DPP10: variants seen among roughly 807,000 people sequenced by gnomAD.
DPP10 encodes dipeptidyl peptidase like 10.
DPP10 carries 33 observed loss-of-function variants against 120.9 expected under a neutral mutation model. That is an observed-to-expected ratio of 0.27 (90% confidence interval 0.21 to 0.37). The LOEUF (loss-of-function observed/expected upper bound fraction) is 0.37, where lower values mean the gene tolerates loss of function less well. DPP10 is among the 10% of genes least tolerant of loss of function. The pLI, the probability that DPP10 is intolerant of heterozygous loss-of-function variation, is 1.00. For synonymous variants in DPP10, 337 were observed against 326.1 expected (o/e 1.03, Z -0.36); for missense variants, 816 against 942.8 (o/e 0.87, Z 1.76).
At chr2:115,477,701 A>G (rs761151903) in intron 3 of DPP10, among the ~76,000 whole-genome samples, 3 of 152,152 alleles carry the variant, frequency 2.0e-5, no homozygotes, top group Non-Finnish European at 4.4e-5. Context: ...TACAATCCTC[A>G]ATATAGAATA....
At chr2:114,890,581 T>C (rs1692461057) in intron 1 of DPP10, among the ~76,000 whole-genome samples, 1 of 152,148 alleles carries the variant, frequency 6.6e-6, no homozygotes, top group Non-Finnish European at 1.5e-5. Flanking sequence ...AGACTAGAAT[T>C]AGGCCAATTT....
chr2:115,514,133 A>G (rs750850042), intron 4 of DPP10, among the ~76,000 whole-genome samples: 1 of 151,924 alleles, frequency 6.6e-6, no homozygotes, highest in Non-Finnish European at 1.5e-5. Flanking sequence ...AGCTGTTATT[A>G]TAATTGAGGG....
At chr2:115,761,399 C>T (rs2149788091) in intron 11 of DPP10, among the ~76,000 whole-genome samples, 1 of 152,094 alleles carries the variant, frequency 6.6e-6, no homozygotes, top group East Asian at 1.9e-4. Flanking sequence ...TCCAGTAATC[C>T]TATCATACTA....
chr2:115,011,224 G>A (rs1370746577), intron 1 of DPP10, among the ~76,000 whole-genome samples: 1 of 152,108 alleles, frequency 6.6e-6, no homozygotes, highest in Non-Finnish European at 1.5e-5. Context: ...AAACGCTTTG[G>A]GTGCCCTTAA....
chr2:115,397,179 T>C (rs181282708), intron 3 of DPP10, among the ~76,000 whole-genome samples: 44 of 152,306 alleles, frequency 2.9e-4, no homozygotes, highest in African/African-American at 9.4e-4. Flanking sequence ...GCCAGATTCA[T>C]GTATAAAGTC....
chr2:114,507,431 C>T (rs886601642), intron 1 of DPP10, among the ~76,000 whole-genome samples: 1 of 152,098 alleles, frequency 6.6e-6, no homozygotes, highest in African/African-American at 2.4e-5. Flanking sequence ...AAGATTACAC[C>T]ATTTGTGATA....
intron 12 of DPP10, among the ~76,000 whole-genome samples, chr2:115,767,473 ATGTG>A (rs10689084): frequency 7.3e-5 from 11 of 150,660 alleles, no homozygotes; most frequent in East Asian, 3.9e-4. Flanking sequence ...ACATACATAT[ATGTG>A]TGTGTGTGTG....
At chr2:115,284,532 G>C (rs1461485450) in intron 1 of DPP10, among the ~76,000 whole-genome samples, 1 of 151,960 alleles carries the variant, frequency 6.6e-6, no homozygotes, top group African/African-American at 2.4e-5. Context: ...GTAATGAATA[G>C]ATATGTTAAC....
intron 1 of DPP10, among the ~76,000 whole-genome samples, chr2:115,052,360 T>A (rs1203620263): frequency 6.6e-6 from 1 of 152,076 alleles, no homozygotes; most frequent in Admixed American, 6.6e-5. Flanking sequence ...TTTTATATAT[T>A]GAAATATATT....
chr2:115,799,978 T>C (rs1684995459), intron 19 of DPP10, among the ~76,000 whole-genome samples: 2 of 151,976 alleles, frequency 1.3e-5, no homozygotes, highest in South Asian at 4.2e-4. Flanking sequence ...TCAAATGGTA[T>C]TTCTAGTTCT....
At chr2:115,053,798 GTT>G (rs1705691245) in intron 1 of DPP10, among the ~76,000 whole-genome samples, 1 of 152,046 alleles carries the variant, frequency 6.6e-6, no homozygotes, top group African/African-American at 2.4e-5. Flanking sequence ...GTTAAATCAG[GTT>G]TTCCCAATAT....
intron 1 of DPP10, among the ~76,000 whole-genome samples, chr2:115,010,780 C>T (rs1299828180): frequency 6.6e-6 from 1 of 152,092 alleles, no homozygotes; most frequent in African/African-American, 2.4e-5. Context: ...ATGGCTAAAT[C>T]CTTTTTATTT....
chr2:115,712,676 T>C (rs2092369351), intron 7 of DPP10, among the ~76,000 whole-genome samples: 1 of 149,544 alleles, frequency 6.7e-6, no homozygotes, highest in Non-Finnish European at 1.5e-5. Context: ...ATATTTGGCT[T>C]TGTAAGACAA....
At chr2:114,693,161 G>C (rs1451500550) in intron 1 of DPP10, among the ~76,000 whole-genome samples, 1 of 151,860 alleles carries the variant, frequency 6.6e-6, no homozygotes, top group Non-Finnish European at 1.5e-5. Flanking sequence ...GTATGTGGTT[G>C]CTTCATAGTG....
intron 3 of DPP10, among the ~76,000 whole-genome samples, chr2:115,386,384 G>A (rs546132375): frequency 1.8e-4 from 28 of 152,178 alleles, no homozygotes; most frequent in Non-Finnish European, 3.1e-4. Flanking sequence ...ACTCTTACCT[G>A]TGAGAGCACT....
intron 19 of DPP10, among the ~76,000 whole-genome samples, chr2:115,799,608 T>G: frequency 9.2e-6 from 1 of 108,588 alleles, no homozygotes. Context: ...CAACAGGCCC[T>G]GGTGTGTGAT....
intron 1 of DPP10, among the ~76,000 whole-genome samples, chr2:114,477,963 A>ATATGTACATATATGTGTGTATG (rs1558795284): frequency 4.0e-5 from 6 of 148,452 alleles, no homozygotes; most frequent in Non-Finnish European, 7.4e-5. Flanking sequence ...ATGTGTGTAT[A>ATATGTACATATATGTGTGTATG]TGTATATATG....
intron 5 of DPP10, among the ~76,000 whole-genome samples, chr2:115,553,372 A>G (rs1027037629): frequency 7.1e-6 from 1 of 141,740 alleles, no homozygotes; most frequent in Non-Finnish European, 1.5e-5. Context: ...AGATTCATAA[A>G]TGAAAATTAT....
intron 7 of DPP10, among the ~76,000 whole-genome samples, chr2:115,691,498 T>C (rs903351733): frequency 1.3e-5 from 2 of 152,168 alleles, no homozygotes; most frequent in African/African-American, 4.8e-5. Context: ...TCATCTGCAG[T>C]GTTACAGTGT....
Sources: allele counts gnomAD v4.1 joint callset (sites outside exome capture counted in the v4.1 genomes callset), GRCh38; gene constraint gnomAD v4.1.1; transcripts MANE v1.5; gene names NCBI Gene and HGNC (gene_info 2026-07-23, HGNC 2026-07-21).